The following NAALADL2 variants were observed in gnomAD, a reference collection of about 807,000 sequenced individuals.
NAALADL2 encodes inactive N-acetylated-alpha-linked acidic dipeptidase-like protein 2.
A neutral mutation model predicts 87.2 loss-of-function variants in NAALADL2; 76 were observed. The ratio of observed to expected loss-of-function variants is 0.87; its 90% CI spans 0.72 to 1.05. The LOEUF (loss-of-function observed/expected upper bound fraction) is 1.05, where lower values mean the gene tolerates loss of function less well. Among genes scored for constraint, NAALADL2 ranks in the 50% least tolerant of loss-of-function variants. NAALADL2 has a pLI of 0.00. For synonymous variants in NAALADL2, 354 were observed against 331.0 expected (o/e 1.07, Z -0.75); for missense variants, 1,089 against 945.8 (o/e 1.15, Z -1.99).
intron 3 of NAALADL2, among the ~76,000 whole-genome samples, chr3:174,742,753 A>C (rs943356070): frequency 6.6e-6 from 1 of 151,732 alleles, no homozygotes; most frequent in Non-Finnish European, 1.5e-5. Context: ...TAATGCATTT[A>C]AGTATTTAAA....
intron 1 of NAALADL2, among the ~76,000 whole-genome samples, chr3:175,057,925 G>T (rs1234609893): frequency 6.6e-6 from 1 of 152,158 alleles, no homozygotes. Context: ...TTTCTTGTCA[G>T]AGCTAGTCAA....
chr3:175,662,982 CTT>C (rs1328693650), intron 11 of NAALADL2, among the ~76,000 whole-genome samples: 1 of 151,364 alleles, frequency 6.6e-6, no homozygotes, highest in East Asian at 1.9e-4. Flanking sequence ...TTGGTTGTAT[CTT>C]TTTCTGATTT....
At chr3:174,950,816 C>T (rs1740229565) in intron 1 of NAALADL2, among the ~76,000 whole-genome samples, 1 of 152,058 alleles carries the variant, frequency 6.6e-6, no homozygotes, top group African/African-American at 2.4e-5. Context: ...TATGGTCAAA[C>T]TGAAAATTAA....
intron 13 of NAALADL2, among the ~76,000 whole-genome samples, chr3:175,760,030 G>A (rs1173012381): frequency 2.0e-5 from 3 of 152,146 alleles, no homozygotes; most frequent in Non-Finnish European, 4.4e-5. Flanking sequence ...GATTATGGGA[G>A]TAGGAAAGGC....
chr3:174,590,872 C>T (rs552859106), intron 2 of NAALADL2, among the ~76,000 whole-genome samples: 76 of 151,802 alleles, frequency 5.0e-4, no homozygotes, highest in African/African-American at 1.6e-3. Context: ...CTAGCTATTT[C>T]GGTGAAATGA....
intron 1 of NAALADL2, among the ~76,000 whole-genome samples, chr3:174,446,082 G>T (rs571626349): frequency 6.6e-6 from 1 of 152,180 alleles, no homozygotes; most frequent in South Asian, 2.1e-4. Context: ...GATTTATCTT[G>T]CCCAGAAACC....
chr3:175,001,832 G>A (rs189044356), intron 1 of NAALADL2, among the ~76,000 whole-genome samples: 1 of 152,236 alleles, frequency 6.6e-6, no homozygotes, highest in African/African-American at 2.4e-5. Flanking sequence ...CTTTTTTAGT[G>A]CCAATCTGAT....
chr3:174,979,762 AT>A (rs1175024588), intron 1 of NAALADL2, among the ~76,000 whole-genome samples: 9 of 152,236 alleles, frequency 5.9e-5, no homozygotes, highest in South Asian at 2.1e-4. Context: ...ATAGAGTATT[AT>A]CTATATAATT....
intron 2 of NAALADL2, among the ~76,000 whole-genome samples, chr3:174,681,749 GA>G (rs1238326191): frequency 6.6e-6 from 1 of 152,182 alleles, no homozygotes; most frequent in East Asian, 1.9e-4. Flanking sequence ...AGAGACTTTA[GA>G]AAAGCAGAGG....
intron 3 of NAALADL2, among the ~76,000 whole-genome samples, chr3:174,836,619 G>A (rs1287895706): frequency 2.8e-5 from 4 of 142,254 alleles, no homozygotes; most frequent in Non-Finnish European, 6.0e-5. Flanking sequence ...CGAGGCAGAA[G>A]AATGGTGTGA....
chr3:174,500,637 T>C (rs1718820156), intron 1 of NAALADL2, among the ~76,000 whole-genome samples: 1 of 152,202 alleles, frequency 6.6e-6, no homozygotes, highest in African/African-American at 2.4e-5. Flanking sequence ...CCTCTATTCC[T>C]ATCCTTCTAT....
intron 6 of NAALADL2, among the ~76,000 whole-genome samples, chr3:175,461,923 T>G (rs1476842079): frequency 6.6e-6 from 1 of 152,070 alleles, no homozygotes; most frequent in Non-Finnish European, 1.5e-5. Context: ...CAGTGGTTGC[T>G]GCCAGGGGTT....
intron 9 of NAALADL2, among the ~76,000 whole-genome samples, chr3:175,518,716 C>T (rs1287722505): frequency 6.6e-6 from 1 of 152,104 alleles, no homozygotes; most frequent in Non-Finnish European, 1.5e-5. Context: ...CCATGATAAC[C>T]CATTCATCTA....
At chr3:174,938,313 A>G (rs577798605) in intron 1 of NAALADL2, among the ~76,000 whole-genome samples, 6 of 152,190 alleles carry the variant, frequency 3.9e-5, no homozygotes, top group African/African-American at 1.4e-4. Flanking sequence ...TGCTAAAGAT[A>G]ATAGCCTCCA....
chr3:175,610,671 G>C (rs542615268), intron 10 of NAALADL2, among the ~76,000 whole-genome samples: 1 of 152,116 alleles, frequency 6.6e-6, no homozygotes, highest in African/African-American at 2.4e-5. Flanking sequence ...TGGAATTTTT[G>C]ATCATGTGTG....
At chr3:175,286,402 T>C (rs1305735002) in intron 4 of NAALADL2, among the ~76,000 whole-genome samples, 1 of 152,164 alleles carries the variant, frequency 6.6e-6, no homozygotes, top group Non-Finnish European at 1.5e-5. Context: ...TGAACCAGGG[T>C]ATTAGCATAG....
chr3:174,706,762 G>A (rs1730109093), intron 2 of NAALADL2, among the ~76,000 whole-genome samples: 1 of 152,078 alleles, frequency 6.6e-6, no homozygotes, highest in African/African-American at 2.4e-5. Flanking sequence ...GGGTTTTTAT[G>A]GTTTTAGGTC....
At chr3:175,451,222 A>G (rs1721517818) in intron 6 of NAALADL2, among the ~76,000 whole-genome samples, 1 of 152,162 alleles carries the variant, frequency 6.6e-6, no homozygotes, top group Non-Finnish European at 1.5e-5. Flanking sequence ...TCTAACTGAT[A>G]CAAATCATAA....
rs116756471 is a variant in NAALADL2 at position 175,507,810 on chromosome 3, C to T, written c.1653+36052C>T. Among the ~76,000 whole-genome samples, 223 of 152,246 alleles carry T rather than the reference C, an allele frequency of 1.5e-3. 3 individuals carry two copies. The highest frequency in any genetic ancestry group is 4.8e-3 in the African/African-American group (201 of 41,552). The stretch of plus-strand genomic sequence containing the variant: ...ATTCATCTCCTAAATATTTCCCCTC[C>T]GCACTCATGTACATGCATAAGCCCA... On this transcript the variant is annotated intron_variant, in intron 9 of 13. Coordinates refer to ENST00000454872, the MANE Select transcript of NAALADL2 (RefSeq NM_207015.3).
Sources: allele counts gnomAD v4.1 joint callset (sites outside exome capture counted in the v4.1 genomes callset), GRCh38; gene constraint gnomAD v4.1.1; transcripts MANE v1.5; gene names NCBI Gene and HGNC (gene_info 2026-07-23, HGNC 2026-07-21).